The following RANBP17 variants were observed in gnomAD, a reference collection of about 807,000 sequenced individuals.
RANBP17 encodes RAN binding protein 17.
A neutral mutation model predicts 141.2 loss-of-function variants in RANBP17; 158 were observed. The observed-to-expected ratio is 1.12, with a 90% CI of 0.98 to 1.28. The LOEUF (loss-of-function observed/expected upper bound fraction) is 1.28. RANBP17 is among the 50% of genes most tolerant of loss of function. The pLI, the probability that RANBP17 is intolerant of heterozygous loss-of-function variation, is 0.00. For missense variants in RANBP17, 1,438 were observed against 1,290.7 expected (o/e 1.11, Z -1.75); for synonymous variants, 430 against 450.0 (o/e 0.96, Z 0.56).
intron 14 of RANBP17, among the ~76,000 whole-genome samples, chr5:170,976,010 AAAAG>A (rs1777349358): frequency 7.1e-6 from 1 of 140,162 alleles, no homozygotes; most frequent in African/African-American, 2.5e-5. Flanking sequence ...AAACAAAACA[AAAAG>A]GCATCCAGAT....
Position 170,862,060 on chromosome 5 carries a change from G to C in RANBP17, c.18+9G>C. 2 of 1,454,562 alleles carry C rather than the reference G, an allele frequency of 1.4e-6. No individual in the cohort carries two copies. The highest frequency in any genetic ancestry group is 6.1e-5 in the East Asian group (2 of 32,848). The allele number at this position is 1,454,562 out of a possible 1,614,324, so 90.1% of individuals were successfully genotyped here. On this transcript the variant is annotated intron_variant, in intron 1 of 27. Coordinates refer to ENST00000523189, the MANE Select transcript of RANBP17 (RefSeq NM_022897.5). ...TGGCGCTGCACTTCCAGGTCAGTGT[G>C]CTCTGCGCCGCGGGCCCGCGCTCCG...
At chr5:171,200,442 GC>G (rs1403776953) in intron 19 of RANBP17, among the ~76,000 whole-genome samples, 1 of 152,122 alleles carries the variant, frequency 6.6e-6, no homozygotes, top group Non-Finnish European at 1.5e-5. Flanking sequence ...TGACAAAACA[GC>G]CCCGTATTTT....
intron 14 of RANBP17, among the ~76,000 whole-genome samples, chr5:171,083,622 T>C (rs1785402354): frequency 1.3e-5 from 2 of 152,212 alleles, no homozygotes; most frequent in Admixed American, 6.5e-5. Flanking sequence ...ATTAATGTAA[T>C]GCAAAACCTA....
At chr5:171,004,179 A>G (rs1182208507) in intron 14 of RANBP17, among the ~76,000 whole-genome samples, 1 of 152,024 alleles carries the variant, frequency 6.6e-6, no homozygotes, top group Non-Finnish European at 1.5e-5. Flanking sequence ...TCAATGGGAT[A>G]GTAATGGGCG....
chr5:171,053,909 ATATATATATATATAT>A (rs1783152583), intron 14 of RANBP17, among the ~76,000 whole-genome samples: 2 of 133,820 alleles, frequency 1.5e-5, no homozygotes, highest in African/African-American at 5.9e-5. Context: ...ATATATATAT[ATATATATATATATAT>A]AATTGCTGTA....
intron 24 of RANBP17, among the ~76,000 whole-genome samples, chr5:171,249,097 C>T (rs1484863252): frequency 1.3e-5 from 2 of 152,178 alleles, no homozygotes. Flanking sequence ...CAGCTCCCAG[C>T]ACAAAATTTG....
chr5:171,086,512 T>C (rs1326401563), intron 14 of RANBP17, among the ~76,000 whole-genome samples: 1 of 134,028 alleles, frequency 7.5e-6, no homozygotes, highest in South Asian at 2.9e-4. Context: ...CTTTTTCTAT[T>C]GATTGGAATA....
chr5:171,115,604 G>C (rs1423929714), intron 14 of RANBP17, among the ~76,000 whole-genome samples: 1 of 152,156 alleles, frequency 6.6e-6, no homozygotes, highest in Non-Finnish European at 1.5e-5. Context: ...CGAATGAACT[G>C]ATCGCAGTTT....
At chr5:171,123,569 C>G (rs865818697) in intron 14 of RANBP17, among the ~76,000 whole-genome samples, 3 of 152,368 alleles carry the variant, frequency 2.0e-5, no homozygotes, top group Middle Eastern at 3.4e-3. Flanking sequence ...CACCTGGAGG[C>G]CCAAGGACTG....
At chr5:170,893,378 C>T (rs1407527872) in intron 4 of RANBP17, among the ~76,000 whole-genome samples, 1 of 152,114 alleles carries the variant, frequency 6.6e-6, no homozygotes, top group African/African-American at 2.4e-5. Flanking sequence ...TACTCTTACT[C>T]AGGATGACTG....
Position 170,958,558 on chromosome 5 carries a change from C to T in RANBP17, c.1574+4856C>T, listed in dbSNP as rs371785210. ...ATTCTAAACTAAGAATGATGTCTTA[C>T]GTAAAATTACAAAAAAAATCACTTT... On this transcript the variant is annotated intron_variant, in intron 13 of 27. Transcript: ENST00000523189. 9.9e-4 allele frequency among the ~76,000 whole-genome samples: 150 copies of T among 152,086 alleles called. 2 individuals are homozygous for T. The South Asian group carries it at 0.029, about 29-fold the overall frequency.
chr5:171,183,519 T>A, intron 18 of RANBP17, 89 bp downstream of exon 18: 2 of 841,266 alleles, frequency 2.4e-6, no homozygotes, highest in Non-Finnish European at 3.9e-6. Context: ...GTACAACATT[T>A]AACTTATTAG....
Position 170,893,729 on chromosome 5 carries a change from C to A in RANBP17, c.423+1176C>A, listed in dbSNP as rs183506072. ...AATGGCGTGAACCCGGTAGACGGAG[C>A]TTGCAGTGAGCGGAGATTGCGCCAC... is the stretch of plus-strand genomic sequence containing the variant. On this transcript the variant is annotated intron_variant, in intron 4 of 27. Coordinates refer to ENST00000523189, the MANE Select transcript of RANBP17 (RefSeq NM_022897.5). 5.3e-3 allele frequency among the ~76,000 whole-genome samples: 803 copies of A among 151,594 alleles called. 6 individuals are homozygous for A. The highest frequency in any genetic ancestry group is 0.018 in the African/African-American group (759 of 41,326).
chr5:171,246,067 G>T (rs1490941131), intron 24 of RANBP17, among the ~76,000 whole-genome samples: 1 of 151,964 alleles, frequency 6.6e-6, no homozygotes, highest in Non-Finnish European at 1.5e-5. Flanking sequence ...TTTTAGTAGA[G>T]ACAGGGTTTC....
intron 14 of RANBP17, among the ~76,000 whole-genome samples, chr5:171,112,600 G>A (rs576166576): frequency 5.9e-5 from 9 of 152,018 alleles, no homozygotes; most frequent in African/African-American, 1.4e-4. Context: ...ACTGATTGAC[G>A]GATCTGGTAA....
chr5:171,224,650 A>G (rs1414323363), intron 22 of RANBP17, among the ~76,000 whole-genome samples: 1 of 152,190 alleles, frequency 6.6e-6, no homozygotes, highest in African/African-American at 2.4e-5. Flanking sequence ...GACAGAAGAG[A>G]AAGGAAATGA....
intron 21 of RANBP17, among the ~76,000 whole-genome samples, chr5:171,220,423 G>A (rs563028956): frequency 6.4e-4 from 96 of 148,990 alleles, no homozygotes; most frequent in Non-Finnish European, 1.1e-3. Context: ...GGCCATCTTG[G>A]TCCCTCCCCA....
At chr5:171,112,603 T>A (rs1038313928) in intron 14 of RANBP17, among the ~76,000 whole-genome samples, 3 of 152,032 alleles carry the variant, frequency 2.0e-5, no homozygotes, top group Non-Finnish European at 4.4e-5. Flanking sequence ...GATTGACGGA[T>A]CTGGTAAAGG....
chr5:171,191,278 T>C (rs897930124), intron 18 of RANBP17, among the ~76,000 whole-genome samples: 3 of 152,152 alleles, frequency 2.0e-5, no homozygotes, highest in African/African-American at 7.2e-5. Context: ...TTATTAATAA[T>C]AGTTAACATT....
Sources: gnomAD v4.1 joint callset for allele counts (sites outside exome capture counted in the v4.1 genomes callset) on GRCh38, gnomAD v4.1.1 for gene constraint, MANE v1.5 for transcripts, NCBI Gene and HGNC (gene_info 2026-07-23, HGNC 2026-07-21) for gene names.